TLK2: variants seen among roughly 807,000 people sequenced by gnomAD.
The protein encoded by TLK2 is serine/threonine-protein kinase tousled-like 2.
Under a neutral mutation model 117.3 loss-of-function variants are expected in TLK2, and 6 were observed. That is an observed-to-expected ratio of 0.05 (90% CI 0.03 to 0.10). TLK2 has a LOEUF of 0.10. TLK2 is among the 10% of genes least tolerant of loss of function. TLK2 has a pLI of 1.00. For synonymous variants in TLK2, 257 were observed against 316.7 expected, an observed-to-expected ratio of 0.81 and a Z score of 2.00; for missense variants, 299 against 901.2, an observed-to-expected ratio of 0.33 and a Z score of 8.56.
upstream of TLK2, among the ~76,000 whole-genome samples, chr17:62,475,512 TA>T (rs1294470036): frequency 6.6e-6 from 1 of 151,786 alleles, no homozygotes; most frequent in Non-Finnish European, 1.5e-5. Flanking sequence ...TCAGCTAATT[TA>T]AAAAATATTT....
intron 7 of TLK2, among the ~76,000 whole-genome samples, chr17:62,547,331 C>A (rs1309486615): frequency 1.3e-5 from 2 of 150,640 alleles, no homozygotes; most frequent in African/African-American, 4.9e-5. Flanking sequence ...TAGGTGTTGG[C>A]ATGGATTTTT....
At chr17:62,612,095 C>G in intron 21 of TLK2, 2 of 216,874 alleles carry the variant, frequency 9.2e-6, no homozygotes, top group Middle Eastern at 1.5e-3. Context: ...TTCTGTTGGT[C>G]TTAGTGCTTT....
At chr17:62,492,291 C>G (rs1294356754) in intron 2 of TLK2, among the ~76,000 whole-genome samples, 4 of 151,996 alleles carry the variant, frequency 2.6e-5, no homozygotes. Flanking sequence ...TAGAAAAATA[C>G]CATAGGAGCA....
At chr17:62,602,617 TC>T (rs1249661248) in intron 19 of TLK2, among the ~76,000 whole-genome samples, 1 of 152,048 alleles carries the variant, frequency 6.6e-6, no homozygotes, top group Non-Finnish European at 1.5e-5. Context: ...GTTATGAAGA[TC>T]AGGATGAAAC....
intron 12 of TLK2, chr17:62,574,449 G>A (rs1270939263): frequency 1.1e-6 from 1 of 918,042 alleles, no homozygotes; most frequent in South Asian, 1.4e-5. Context: ...ATTACATTAA[G>A]TATAGCGATA....
chr17:62,580,572 G>A (rs1567963589), intron 15 of TLK2, among the ~76,000 whole-genome samples: 1 of 152,012 alleles, frequency 6.6e-6, no homozygotes, highest in Non-Finnish European at 1.5e-5. Context: ...ATAAGAATAG[G>A]TTTTTTTCCA....
intron 17 of TLK2, 32 bp from the exon 18 acceptor site, chr17:62,600,619 C>T: frequency 6.4e-7 from 1 of 1,559,696 alleles, no homozygotes; most frequent in South Asian, 1.2e-5. Flanking sequence ...TGCTCTTATT[C>T]CATGGTTAAA....
rs1353868304 is a variant in TLK2, at chr17:62,600,742, A to G, written c.1642A>G (p.Ile548Val). Residue 548 changes from isoleucine (I) to valine (V), a missense_variant, in exon 18 of 22, where the codon ATT becomes GTT. Physicochemically the swap from Ile to Val is conservative, Grantham distance 29. Transcript: ENST00000346027. ...KLMSEKEARS[I>V]IMQIVNALKY... ...AATGTCGGAGAAAGAGGCCCGGTCC[A>G]TTATCATGCAGATTGTGAATGCTTT... The G allele has an allele frequency of 6.2e-7, 1 of 1,613,574 alleles. No individual in the cohort carries two copies. Among genetic ancestry groups the G allele is most frequent in the Non-Finnish European group, 8.5e-7 (1 of 1,179,858 alleles).
At chr17:62,565,777 A>ATAAATAT (rs1159810782) in intron 11 of TLK2, among the ~76,000 whole-genome samples, 3 of 152,182 alleles carry the variant, frequency 2.0e-5, no homozygotes, top group Non-Finnish European at 2.9e-5. Context: ...AATTTTCATT[A>ATAAATAT]AGAGTCTATT....
rs57512334 is a variant in TLK2 at position 62,538,033 on chromosome 17, GTTTTTTTTTTT to G, written c.531+1706_531+1716del. ...ATACACTTACTTTTGTTAAATCTTT[GTTTTTTTTTTT>G]TTTTTTTTTGAGATGGAGTCTGGTT... On this transcript the variant is annotated intron_variant, in intron 7 of 21. Coordinates refer to ENST00000346027, the MANE Select transcript of TLK2 (RefSeq NM_006852.6). Among the ~76,000 whole-genome samples the G allele has an allele frequency of 7.5e-5, 8 of 106,186 alleles. No individual in the cohort carries two copies. In the East Asian group the frequency reaches 1.7e-3, roughly 22 times the overall value. The allele number at this position is 106,186 out of a possible 152,430, so 69.7% of individuals were successfully genotyped here. A position where few individuals can be genotyped will look rare whatever the true frequency, so the allele number is the denominator to read the frequency against.
chr17:62,557,266 T>A (rs773142957), intron 9 of TLK2, among the ~76,000 whole-genome samples: 12 of 152,192 alleles, frequency 7.9e-5, no homozygotes, highest in Admixed American at 4.6e-4. Flanking sequence ...TTCCCTCATC[T>A]AATATACTTT....
intron 7 of TLK2, chr17:62,550,706 G>A (rs1380177727): frequency 6.6e-6 from 1 of 152,242 alleles, no homozygotes; most frequent in East Asian, 1.9e-4. Context: ...ATTGAGAGCA[G>A]TTATTGTGGA....
At chr17:62,517,677 G>A (rs529831849) in intron 2 of TLK2, among the ~76,000 whole-genome samples, 289 of 145,488 alleles carry the variant, frequency 2.0e-3, no homozygotes, top group Non-Finnish European at 3.3e-3. Context: ...CCACCACGCC[G>A]GCCGAATTTT....
chr17:62,553,432 C>A, intron 8 of TLK2: 1 of 460,790 alleles, frequency 2.2e-6, no homozygotes. Flanking sequence ...CATTTGATTC[C>A]AGAATTAACA....
chr17:62,541,250 CT>C (rs2077511866), intron 7 of TLK2, among the ~76,000 whole-genome samples: 1 of 152,170 alleles, frequency 6.6e-6, no homozygotes, highest in South Asian at 2.1e-4. Flanking sequence ...CTATGATGGA[CT>C]TTTGTCTGAC....
intron 2 of TLK2, among the ~76,000 whole-genome samples, chr17:62,491,955 A>C (rs1287702396): frequency 6.6e-6 from 1 of 152,242 alleles, no homozygotes; most frequent in East Asian, 1.9e-4. Context: ...AGTAGGAATA[A>C]TATAACTTTG....
chr17:62,512,884 T>TTATTATTAC (rs1400421466), intron 2 of TLK2, among the ~76,000 whole-genome samples: 4 of 147,312 alleles, frequency 2.7e-5, no homozygotes, highest in Admixed American at 1.4e-4. Flanking sequence ...ATTATTATTA[T>TTATTATTAC]TATTATTATT....
At chr17:62,596,255 T>G (rs2082472726) in intron 16 of TLK2, among the ~76,000 whole-genome samples, 1 of 152,240 alleles carries the variant, frequency 6.6e-6, no homozygotes, top group South Asian at 2.1e-4. Flanking sequence ...TTTATATTTT[T>G]AGTAGAGACG....
chr17:62,507,673 T>G (rs1489229371), intron 2 of TLK2, among the ~76,000 whole-genome samples: 5 of 152,218 alleles, frequency 3.3e-5, no homozygotes, highest in African/African-American at 1.2e-4. Flanking sequence ...ATGTTGACAT[T>G]TAAACTTTTA....
Sources: allele counts gnomAD v4.1 joint callset (sites outside exome capture counted in the v4.1 genomes callset), GRCh38; gene constraint gnomAD v4.1.1; transcripts MANE v1.5; gene names NCBI Gene and HGNC (gene_info 2026-07-23, HGNC 2026-07-21).